DGKG: variants seen among roughly 807,000 people sequenced by gnomAD.
DGKG encodes the protein DAG kinase gamma.
Under a neutral mutation model 105.3 loss-of-function variants are expected in DGKG, and 78 were observed. The observed-to-expected ratio is 0.74, with a 90% CI of 0.62 to 0.89. The LOEUF (loss-of-function observed/expected upper bound fraction) is 0.89. Ranked by LOEUF, DGKG falls within the 40% of genes least tolerant of loss-of-function variation. DGKG has a pLI of 0.00. For synonymous variants in DGKG, 346 were observed against 367.1 expected, an observed-to-expected ratio of 0.94 and a Z score of 0.66; for missense variants, 958 against 1,020.1, an observed-to-expected ratio of 0.94 and a Z score of 0.83.
chr3:186,210,803 T>G lies in DGKG; in HGVS notation c.1917+992A>C, dbSNP rs1718999372. On this transcript the variant is annotated intron_variant, in intron 21 of 24. Coordinates refer to ENST00000265022, the MANE Select transcript of DGKG (RefSeq NM_001346.3). This position sits in a 1 kb window ranked among gnomAD's most constrained non-coding sequence, Gnocchi z 5.2. ...TGAACTCTCTGGCTGCCTCTTCCAC[T>G]TATTTTCCTCAAGTGAAAAGAAGAC... is the stretch of plus-strand genomic sequence containing the variant. The G allele has an allele frequency of 3.0e-6, 1 of 335,974 alleles. No individual in the cohort carries two copies. The highest frequency in any genetic ancestry group is 2.1e-5 in the South Asian group (1 of 46,986). The allele number at this position is 335,974 out of a possible 1,614,324, so 20.8% of individuals were successfully genotyped here.
intron 24 of DGKG, among the ~76,000 whole-genome samples, chr3:186,151,940 G>A (rs550002298): frequency 5.3e-5 from 8 of 152,202 alleles, no homozygotes; most frequent in East Asian, 1.9e-4. Context: ...TTAGTTGGAG[G>A]TGGTGGCAGG....
chr3:186,154,884 C>T (rs760754971), intron 24 of DGKG, among the ~76,000 whole-genome samples: 2 of 152,030 alleles, frequency 1.3e-5, no homozygotes, highest in Admixed American at 6.6e-5. Flanking sequence ...TGGGATGTGG[C>T]CCAGCAATCT....
At chr3:186,198,971 G>A (rs1437475430) in intron 21 of DGKG, among the ~76,000 whole-genome samples, 3 of 152,050 alleles carry the variant, frequency 2.0e-5, no homozygotes, top group Non-Finnish European at 1.5e-5. Context: ...TTTTAAGACG[G>A]AGTTTTGCTC....
chr3:186,148,699 C>T lies in DGKG; in HGVS notation c.*1391G>A. On this transcript the variant is annotated 3_prime_UTR_variant, in exon 25 of 25. Transcript: ENST00000265022. The stretch of plus-strand genomic sequence containing the variant: ...TCTGAGACTCAATTTTCTTATCTGA[C>T]AAATGGGAGAGTAAATCCAGCCCAG... The T allele has an allele frequency of 1.0e-6, 1 of 984,774 alleles. No homozygotes were observed. The highest frequency in any genetic ancestry group is 1.2e-6 in the Non-Finnish European group (1 of 829,388). 61.0% of individuals were successfully genotyped at this position (984,774 alleles called of 1,614,324 possible). A position where few individuals can be genotyped will look rare whatever the true frequency, so the allele number is the denominator to read the frequency against.
rs779998634 is a variant in DGKG at position 186,279,949 on chromosome 3, T to A, written c.694A>T (p.Met232Leu). The A allele has an allele frequency of 2.5e-6, 4 of 1,614,134 alleles. No individual in the cohort carries two copies. Among genetic ancestry groups the A allele is most frequent in the Non-Finnish European group, 3.4e-6 (4 of 1,180,000 alleles). The change falls in exon 9 of 25, where the codon ATG (methionine) becomes TTG (leucine). Residue 232 changes from methionine (M) to leucine (L), a missense_variant. Met to Leu is a conservative substitution (Grantham distance 15). Around this residue, in one of 2 missense-constraint regions of DGKG, gnomAD observed 643 missense variants for 619.5 expected, o/e 1.04. Transcript: ENST00000265022. ...RPILKEMLQG[M>L]DYDRDGFVSL... is the part of the protein sequence containing the mutation. The stretch of plus-strand genomic sequence containing the variant: ...ACAAAGCCGTCCCGGTCGTAGTCCA[T>A]CCCTTGCAGCATCTCCTTCAATATC...
intron 20 of DGKG, among the ~76,000 whole-genome samples, chr3:186,236,041 GA>G (rs1720404685): frequency 6.6e-6 from 1 of 152,132 alleles, no homozygotes; most frequent in South Asian, 2.1e-4. Flanking sequence ...ACTGGACTTC[GA>G]ATCTCTAGTG....
intron 1 of DGKG, among the ~76,000 whole-genome samples, chr3:186,329,334 T>C (rs1166064236): frequency 1.3e-5 from 2 of 152,298 alleles, no homozygotes; most frequent in African/African-American, 4.8e-5. Context: ...CAATTTTATA[T>C]ACTGGATCAA....
At chr3:186,175,610 G>T (rs1216387810) in intron 22 of DGKG, among the ~76,000 whole-genome samples, 1 of 152,160 alleles carries the variant, frequency 6.6e-6, no homozygotes, top group African/African-American at 2.4e-5. Context: ...GCCAAGGGTG[G>T]GGATGTCCTT....
intron 2 of DGKG, among the ~76,000 whole-genome samples, chr3:186,316,452 C>T (rs759585873): frequency 6.6e-6 from 1 of 152,192 alleles, no homozygotes; most frequent in African/African-American, 2.4e-5. Flanking sequence ...CATAAACATG[C>T]TAGTGCTGGT....
chr3:186,260,529 G>C lies in DGKG; in HGVS notation c.1350-16C>G. The C allele has an allele frequency of 6.4e-7, 1 of 1,566,572 alleles. No homozygotes were observed. Among genetic ancestry groups the C allele is most frequent in the Non-Finnish European group, 8.8e-7 (1 of 1,138,424 alleles). ...CCGAAGAATTCTATGGAAAAAAAAA[G>C]AAAAGGAGGGAGAGAGAGAGACAGA... On this transcript the variant is annotated splice_polypyrimidine_tract_variant and intron_variant, in intron 15 of 24. Transcript: ENST00000265022.
At chr3:186,291,615 A>G (rs985850124) in intron 5 of DGKG, among the ~76,000 whole-genome samples, 2 of 152,188 alleles carry the variant, frequency 1.3e-5, no homozygotes, top group Admixed American at 1.3e-4. Flanking sequence ...AAATTATTAC[A>G]TGGAGTGAAA....
intron 21 of DGKG, among the ~76,000 whole-genome samples, chr3:186,200,515 C>G (rs763786727): frequency 3.9e-5 from 6 of 152,260 alleles, no homozygotes; most frequent in Non-Finnish European, 7.3e-5. Flanking sequence ...GGCTGGGTGC[C>G]CACTTATCAG....
At chr3:186,216,748 A>G (rs565843828) in intron 20 of DGKG, among the ~76,000 whole-genome samples, 1 of 152,212 alleles carries the variant, frequency 6.6e-6, no homozygotes, top group East Asian at 1.9e-4. Context: ...GCCTGAGTGC[A>G]ATGTTCCTTC....
At position 186,150,059 on chromosome 3, in the gene DGKG, C is replaced by T. The variant is rs1171636772; in HGVS notation, c.*31G>A. The stretch of plus-strand genomic sequence containing the variant: ...TGTGCATTATAGTTTCTTGCTTTCT[C>T]TCTTGGTTTAGCTGGTGTTTGGCAC... On this transcript the variant is annotated 3_prime_UTR_variant, in exon 25 of 25. Coordinates refer to ENST00000265022, the MANE Select transcript of DGKG (RefSeq NM_001346.3). 3.1e-6 allele frequency: 5 copies of T among 1,596,350 alleles called. No individual in the cohort carries two copies. Among genetic ancestry groups the T allele is most frequent in the East Asian group, 2.2e-5 (1 of 44,600 alleles).
At chr3:186,164,352 T>C (rs540297545) in intron 23 of DGKG, among the ~76,000 whole-genome samples, 61 of 152,224 alleles carry the variant, frequency 4.0e-4, no homozygotes, top group Non-Finnish European at 7.9e-4. Context: ...CTTCATCTCT[T>C]CCAGGAGCCT....
chr3:186,181,039 AG>A (rs1717334114), intron 22 of DGKG, among the ~76,000 whole-genome samples: 2 of 152,184 alleles, frequency 1.3e-5, no homozygotes, highest in Non-Finnish European at 1.5e-5. Context: ...TTTGAGTGCT[AG>A]GCTAGTGAGG....
intron 11 of DGKG, among the ~76,000 whole-genome samples, chr3:186,270,842 A>T (rs542341841): frequency 1.3e-5 from 2 of 152,334 alleles, no homozygotes; most frequent in South Asian, 4.1e-4. Context: ...TTGCTCCTGC[A>T]GGCTGAGAAG....
At chr3:186,209,853 G>T (rs1006432866) in intron 21 of DGKG, among the ~76,000 whole-genome samples, 1 of 152,142 alleles carries the variant, frequency 6.6e-6, no homozygotes, top group African/African-American at 2.4e-5. Flanking sequence ...AATCCTGAGG[G>T]CTGTCAGAAG....
At chr3:186,269,895 G>A (rs539487421) in intron 11 of DGKG, among the ~76,000 whole-genome samples, 1 of 152,162 alleles carries the variant, frequency 6.6e-6, no homozygotes, top group African/African-American at 2.4e-5. Flanking sequence ...AGCAAGAGCA[G>A]CTGGCTAGTA....
Sources: gnomAD v4.1 joint callset for allele counts (sites outside exome capture counted in the v4.1 genomes callset) on GRCh38, gnomAD v4.1.1 for gene constraint, gnomAD v4.1.1 regional missense constraint, Gnocchi (gnomAD v3.1) non-coding constraint, MANE v1.5 for transcripts, NCBI Gene and HGNC (gene_info 2026-07-23, HGNC 2026-07-21) for gene names.